The following ANKRD30A variants were observed in gnomAD, a reference collection of about 807,000 sequenced individuals.
ANKRD30A encodes the protein ankyrin repeat domain-containing protein 30A.
Under a neutral mutation model 166.3 loss-of-function variants are expected in ANKRD30A, and 170 were observed. The ratio of observed to expected loss-of-function variants is 1.02; its 90% CI spans 0.90 to 1.16. The LOEUF (loss-of-function observed/expected upper bound fraction) is 1.16, where lower values mean the gene tolerates loss of function less well. ANKRD30A is among the 50% of genes most tolerant of loss of function. ANKRD30A has a pLI of 0.00. For missense variants in ANKRD30A, 1,630 were observed against 1,518.0 expected (o/e 1.07, Z -1.23); for synonymous variants, 564 against 508.9 (o/e 1.11, Z -1.46).
chr10:37,142,820 T>C (rs1232979931), intron 7 of ANKRD30A, among the ~76,000 whole-genome samples: 1 of 151,974 alleles, frequency 6.6e-6, no homozygotes, highest in Non-Finnish European at 1.5e-5. Flanking sequence ...CCTGACCTCA[T>C]GATATGCCTG....
At chr10:37,249,453 AT>A in the ANKRD30A span, among the ~76,000 whole-genome samples, 85 of 146,876 alleles carry the variant, frequency 5.8e-4, no homozygotes, top group East Asian at 7.9e-4. Context: ...GGCACTTTGA[AT>A]TTTTTTTTTT....
chr10:37,159,768 T>A (rs1315085149), intron 15 of ANKRD30A, among the ~76,000 whole-genome samples: 2 of 152,156 alleles, frequency 1.3e-5, no homozygotes, highest in Non-Finnish European at 2.9e-5. Context: ...CGATCTCGGC[T>A]CACGCAAGCT....
At chr10:37,126,126 G>A (rs1225231661) in intron 1 of ANKRD30A, 118 bp downstream of exon 1, 16 of 1,038,926 alleles carry the variant, frequency 1.5e-5, no homozygotes, top group Non-Finnish European at 2.3e-5. Context: ...GAGGAGTAAC[G>A]GGCAGCGGGG....
At chr10:37,240,297 C>T in the ANKRD30A span, among the ~76,000 whole-genome samples, 27 of 152,218 alleles carry the variant, frequency 1.8e-4, no homozygotes, top group Middle Eastern at 3.4e-3. Flanking sequence ...TTAGCCTACA[C>T]ACTGCAGTTG....
intron 19 of ANKRD30A, among the ~76,000 whole-genome samples, chr10:37,167,789 G>A (rs1218118444): frequency 2.0e-5 from 3 of 149,736 alleles, no homozygotes; most frequent in African/African-American, 7.5e-5. Flanking sequence ...ATATATCCAA[G>A]CTGATCAATT....
chr10:37,160,250 CTGTTAGAA>C (rs1455656067), intron 15 of ANKRD30A, among the ~76,000 whole-genome samples: 2 of 152,130 alleles, frequency 1.3e-5, no homozygotes, highest in African/African-American at 4.8e-5. Context: ...GCTTCATCCA[CTGTTAGAA>C]ATTAAAATGA....
the ANKRD30A span, among the ~76,000 whole-genome samples, chr10:37,255,041 G>GC: frequency 2.0e-5 from 3 of 152,074 alleles, no homozygotes; most frequent in East Asian, 5.8e-4. Context: ...TTTTGATGAA[G>GC]CCCGGTTCAT....
At chr10:37,145,154 C>T (rs201494283) in intron 8 of ANKRD30A, 98 bp downstream of exon 8, 7 of 698,302 alleles carry the variant, frequency 1.0e-5, no homozygotes, top group Non-Finnish European at 1.5e-5. Flanking sequence ...TTACCACTGC[C>T]TATGCTCAGA....
At chr10:37,247,418 A>G in the ANKRD30A span, among the ~76,000 whole-genome samples, 1 of 152,258 alleles carries the variant, frequency 6.6e-6, no homozygotes, top group South Asian at 2.1e-4. Flanking sequence ...TTTATTATAA[A>G]AATGGTATTT....
At chr10:37,128,669 G>A (rs1219740124) in intron 1 of ANKRD30A, among the ~76,000 whole-genome samples, 1 of 151,976 alleles carries the variant, frequency 6.6e-6, no homozygotes. Context: ...TAAGCTGAAT[G>A]CCTATTGTGT....
the ANKRD30A span, chr10:37,248,273 A>G: frequency 1.8e-6 from 1 of 554,558 alleles, no homozygotes; most frequent in Non-Finnish European, 3.5e-6. Context: ...TTGTCACCTC[A>G]AAAAGGCCCT....
the ANKRD30A span, among the ~76,000 whole-genome samples, chr10:37,261,051 A>G: frequency 6.6e-6 from 1 of 152,182 alleles, no homozygotes; most frequent in African/African-American, 2.4e-5. Context: ...AAAAGTTGAA[A>G]AAAATATAAA....
chr10:37,128,950 T>A (rs1359943109), intron 1 of ANKRD30A, among the ~76,000 whole-genome samples: 1 of 152,210 alleles, frequency 6.6e-6, no homozygotes, highest in Non-Finnish European at 1.5e-5. Context: ...TCTATAAATC[T>A]AAATATGAAT....
chr10:37,248,530 T>G, the ANKRD30A span, among the ~76,000 whole-genome samples: 2 of 152,134 alleles, frequency 1.3e-5, no homozygotes, highest in Admixed American at 1.3e-4. Flanking sequence ...GCCCCCATGG[T>G]CCAAGTTCAA....
Position 37,219,401 on chromosome 10 carries a change from G to C in ANKRD30A, c.3689G>C (p.Cys1230Ser). 6.2e-7 allele frequency: 1 copy of C among 1,610,464 alleles called. No homozygotes were observed. The highest frequency in any genetic ancestry group is 8.5e-7 in the Non-Finnish European group (1 of 1,177,736). Residue 1230 changes from cysteine to serine, a missense_variant, in exon 34 of 36, where the codon TGT becomes TCT. This residue lies in a region of ANKRD30A where 712 missense variants were observed against 629.3 expected (regional missense o/e 1.13). Coordinates refer to ENST00000361713, the MANE Select transcript of ANKRD30A (RefSeq NM_052997.3). ...GCTTTCCACATTGCAGGAGATGCTT[G>C]TTTGCAAAGAAAAATGAATGTTGAT... Reference protein sequence around the residue: ...EPAFHIAGDACLQRKMNVDVS... With the variant: ...EPAFHIAGDASLQRKMNVDVS...
intron 13 of ANKRD30A, among the ~76,000 whole-genome samples, chr10:37,154,494 A>G (rs913532988): frequency 1.3e-5 from 2 of 152,154 alleles, no homozygotes; most frequent in African/African-American, 4.8e-5. Flanking sequence ...GGGTCAGGAG[A>G]GAGCAGTATG....
chr10:37,232,686 AT>A (rs1409534089), downstream of ANKRD30A: 1 of 5,966 alleles, frequency 1.7e-4, no homozygotes, highest in African/African-American at 2.3e-4. Flanking sequence ...ATATATATAT[AT>A]ATATATAAAT....
chr10:37,136,539 T>C (rs1836693201), intron 5 of ANKRD30A, 68 bp from the exon 6 acceptor site: 5 of 697,558 alleles, frequency 7.2e-6, no homozygotes, highest in Non-Finnish European at 1.2e-5. Flanking sequence ...ACTTAATAAA[T>C]TTGGTAAATG....
chr10:37,141,638 G>A (rs576605819), intron 6 of ANKRD30A, 80 bp from the exon 7 acceptor site: 2 of 1,444,110 alleles, frequency 1.4e-6, no homozygotes, highest in Admixed American at 1.9e-5. Context: ...CATACAGAAT[G>A]AGTAGAAGTT....
Sources: allele counts gnomAD v4.1 joint callset (sites outside exome capture counted in the v4.1 genomes callset), GRCh38; gene constraint gnomAD v4.1.1; regional missense constraint gnomAD v4.1.1; transcripts MANE v1.5; gene names NCBI Gene and HGNC (gene_info 2026-07-23, HGNC 2026-07-21).